The following SYN3 variants were observed in gnomAD, a reference collection of about 807,000 sequenced individuals.
SYN3 encodes the protein synapsin-3.
SYN3 carries 35 observed loss-of-function variants against 65.8 expected under a neutral mutation model. The observed-to-expected ratio is 0.53, with a 90% CI of 0.41 to 0.70. SYN3 has a LOEUF of 0.70. Ranked by LOEUF, SYN3 falls within the 30% of genes least tolerant of loss-of-function variation. SYN3 has a pLI of 0.00. For synonymous variants in SYN3, 270 were observed against 292.9 expected (o/e 0.92, Z 0.80); for missense variants, 680 against 749.0 (o/e 0.91, Z 1.08).
intron 3 of SYN3, among the ~76,000 whole-genome samples, chr22:32,935,354 G>A (rs906473983): frequency 2.7e-5 from 4 of 147,932 alleles, no homozygotes; most frequent in South Asian, 4.3e-4. Flanking sequence ...CACCTATATC[G>A]CAAAAAACGC....
At chr22:32,638,664 G>A (rs905392590) in intron 6 of SYN3, among the ~76,000 whole-genome samples, 3 of 151,988 alleles carry the variant, frequency 2.0e-5, no homozygotes, top group African/African-American at 7.3e-5. Context: ...TGGGGCTATC[G>A]GTTTTTTGGT....
intron 6 of SYN3, chr22:32,802,149 G>A: frequency 1.3e-6 from 2 of 1,568,582 alleles, no homozygotes; most frequent in Non-Finnish European, 1.7e-6. Flanking sequence ...CCCCGCCCGA[G>A]CCCCACGCTG....
At chr22:32,829,092 G>A (rs774651010) in intron 6 of SYN3, among the ~76,000 whole-genome samples, 15 of 152,292 alleles carry the variant, frequency 9.8e-5, no homozygotes, top group Non-Finnish European at 1.6e-4. Flanking sequence ...TCTACCCTCA[G>A]AGGGTACCGC....
chr22:32,815,214 G>A (rs2047056866), intron 6 of SYN3, among the ~76,000 whole-genome samples: 1 of 152,170 alleles, frequency 6.6e-6, no homozygotes. Flanking sequence ...AGGTACTTTT[G>A]GGCTGACCAA....
chr22:32,766,897 G>A (rs1040621514), intron 6 of SYN3, among the ~76,000 whole-genome samples: 9 of 152,184 alleles, frequency 5.9e-5, no homozygotes, highest in South Asian at 2.1e-4. Context: ...AATTAAATAC[G>A]CTGATACTAA....
intron 4 of SYN3, among the ~76,000 whole-genome samples, chr22:32,891,272 G>A (rs1416963386): frequency 6.6e-6 from 1 of 152,150 alleles, no homozygotes; most frequent in Non-Finnish European, 1.5e-5. Context: ...CACTTCTCCA[G>A]TCCTTTTGAT....
chr22:32,937,264 C>T (rs73405290), intron 3 of SYN3, among the ~76,000 whole-genome samples: 1,848 of 152,216 alleles, frequency 0.012, 51 homozygotes, highest in African/African-American at 0.042. Context: ...GAGAAAGAAA[C>T]ATATTTTAAA....
intron 6 of SYN3, among the ~76,000 whole-genome samples, chr22:32,706,865 C>T (rs1205893580): frequency 6.6e-6 from 1 of 152,128 alleles, no homozygotes; most frequent in East Asian, 1.9e-4. Context: ...AATTGCTCAC[C>T]CCAACCCTAC....
intron 1 of SYN3, among the ~76,000 whole-genome samples, chr22:33,042,235 G>A (rs1465306575): frequency 6.6e-6 from 1 of 152,158 alleles, no homozygotes; most frequent in Non-Finnish European, 1.5e-5. Flanking sequence ...TACCCAGTCT[G>A]TGGTAGTTTA....
At chr22:32,600,451 T>C (rs1409905316) in intron 6 of SYN3, among the ~76,000 whole-genome samples, 1 of 152,158 alleles carries the variant, frequency 6.6e-6, no homozygotes, top group African/African-American at 2.4e-5. Flanking sequence ...TAACAGGCCA[T>C]GGACCTGTAC....
intron 6 of SYN3, among the ~76,000 whole-genome samples, chr22:32,815,076 C>T (rs1483603509): frequency 1.3e-5 from 2 of 152,230 alleles, no homozygotes; most frequent in African/African-American, 2.4e-5. Context: ...TGCGTTTCAG[C>T]TACCTGTGGT....
rs565787925 is a variant in SYN3, at chr22:32,811,690, T to C, written c.711+53225A>G. 2.5e-4 allele frequency among the ~76,000 whole-genome samples: 38 copies of C among 152,270 alleles called. No homozygotes were observed. In the East Asian group the frequency reaches 7.0e-3, roughly 28 times the overall value. ...CGCAACGAGGAAAGCAGGATGGTGA[T>C]TGGGGGGTCGGTCATAGTTCCTAGT... is the stretch of plus-strand genomic sequence containing the variant. On this transcript the variant is annotated intron_variant, in intron 6 of 13. Coordinates refer to ENST00000358763, the MANE Select transcript of SYN3 (RefSeq NM_003490.4).
rs376831616 is a variant in SYN3 at position 32,560,885 on chromosome 22, G to T, written c.775-19172C>A. ...AGAAGGGACAGTGGCTTGAACGAGG[G>T]TGGTACATTCTAGAAATATTTTAAA... On this transcript the variant is annotated intron_variant, in intron 7 of 13. Transcript: ENST00000358763. Among the ~76,000 whole-genome samples the T allele has an allele frequency of 3.3e-4, 51 of 152,310 alleles. No individual in the cohort carries two copies. In the South Asian group the frequency reaches 9.9e-3, roughly 30 times the overall value.
At chr22:32,868,774 T>C (rs2048759252) in intron 5 of SYN3, among the ~76,000 whole-genome samples, 192 bp downstream of exon 5, 1 of 152,018 alleles carries the variant, frequency 6.6e-6, no homozygotes, top group Non-Finnish European at 1.5e-5. Context: ...CATAATAATA[T>C]ATAAAATATA....
intron 4 of SYN3, among the ~76,000 whole-genome samples, chr22:32,904,288 T>C (rs2049842343): frequency 6.6e-6 from 1 of 152,206 alleles, no homozygotes; most frequent in Admixed American, 6.5e-5. Flanking sequence ...GCAATATGGC[T>C]CTGCGAGGCC....
At chr22:32,660,008 A>T (rs889683603) in intron 6 of SYN3, among the ~76,000 whole-genome samples, 16 of 152,208 alleles carry the variant, frequency 1.1e-4, no homozygotes, top group African/African-American at 3.9e-4. Flanking sequence ...ATATTTGTAG[A>T]GTCAGGCATG....
rs544149493 is a variant in SYN3, at chr22:32,652,821, G to T, written c.712-56085C>A. Among the ~76,000 whole-genome samples, 6 of 152,182 alleles carry T rather than the reference G, an allele frequency of 3.9e-5. No homozygotes were observed. The East Asian group carries it at 9.7e-4, about 25-fold the overall frequency. The stretch of plus-strand genomic sequence containing the variant: ...GAGATCAGAACCGAGAGGTCCTGAC[G>T]CCCTGTCCAGGCTGGCTCCACCCCA... On this transcript the variant is annotated intron_variant, in intron 6 of 13. Coordinates refer to ENST00000358763, the MANE Select transcript of SYN3 (RefSeq NM_003490.4).
intron 8 of SYN3, among the ~76,000 whole-genome samples, chr22:32,540,235 C>T (rs2058232537): frequency 1.3e-5 from 2 of 152,186 alleles, no homozygotes; most frequent in African/African-American, 4.8e-5. Flanking sequence ...GCTAAAGCAA[C>T]CACAGGCAAT....
At chr22:32,755,882 TA>T (rs1357237629) in intron 6 of SYN3, among the ~76,000 whole-genome samples, 1 of 152,138 alleles carries the variant, frequency 6.6e-6, no homozygotes, top group African/African-American at 2.4e-5. Context: ...CATGGAATAC[TA>T]TACAGCCATA....
Sources: gnomAD v4.1 joint callset for allele counts (sites outside exome capture counted in the v4.1 genomes callset) on GRCh38, gnomAD v4.1.1 for gene constraint, MANE v1.5 for transcripts, NCBI Gene and HGNC (gene_info 2026-07-23, HGNC 2026-07-21) for gene names.